DHRS12: variants seen among roughly 807,000 people sequenced by gnomAD.
DHRS12 encodes the protein dehydrogenase/reductase SDR family member 12.
In DHRS12, 29 loss-of-function variants were observed where a neutral mutation model predicts 32.1. The ratio of observed to expected loss-of-function variants is 0.90; its 90% confidence interval spans 0.67 to 1.23. The LOEUF is 1.23. DHRS12 is among the 50% of genes most tolerant of loss of function. The pLI, the probability that DHRS12 is intolerant of heterozygous loss-of-function variation, is 0.00. For missense variants in DHRS12, 330 were observed against 337.2 expected (o/e 0.98, Z 0.17); for synonymous variants, 150 against 135.9 (o/e 1.10, Z -0.72).
intron 4 of DHRS12, among the ~76,000 whole-genome samples, chr13:51,779,785 G>A (rs1954617379): frequency 6.6e-6 from 1 of 152,086 alleles, no homozygotes; most frequent in African/African-American, 2.4e-5. Flanking sequence ...CTTCCTGTGT[G>A]GGTTCTTGTT....
chr13:51,797,911 G>A (rs1333425903), intron 2 of DHRS12: 2 of 1,535,856 alleles, frequency 1.3e-6, no homozygotes, highest in East Asian at 2.4e-5. Flanking sequence ...TGTGCCACCT[G>A]GTGGAATTCA....
intron 2 of DHRS12, 112 bp downstream of exon 2, chr13:51,799,422 T>TCGCC: frequency 6.7e-7 from 1 of 1,485,508 alleles, no homozygotes; most frequent in Non-Finnish European, 9.1e-7. Context: ...AACCATGGGA[T>TCGCC]CGCCGTCCAG....
At chr13:51,768,339 G>A in intron 8 of DHRS12, 43 bp from the exon 9 acceptor site, 1 of 1,534,420 alleles carries the variant, frequency 6.5e-7, no homozygotes, top group Non-Finnish European at 8.7e-7. Context: ...AGCTGCTGCA[G>A]CGTGGCTGGG....
At chr13:51,774,241 A>AGTATTCTCCTACAT (rs770973117) in intron 5 of DHRS12, 1 of 494,264 alleles carries the variant, frequency 2.0e-6, no homozygotes. Flanking sequence ...ATTCTCCTAC[A>AGTATTCTCCTACAT]GTATTCTCCT....
chr13:51,785,939 G>A (rs1017815951), intron 4 of DHRS12, among the ~76,000 whole-genome samples: 1 of 152,220 alleles, frequency 6.6e-6, no homozygotes, highest in Non-Finnish European at 1.5e-5. Flanking sequence ...TTATGAGACT[G>A]AATGAGAGAA....
downstream of DHRS12, chr13:51,767,797 GT>G (rs1489418413): frequency 1.6e-4 from 11 of 69,098 alleles, no homozygotes; most frequent in South Asian, 4.6e-4. Flanking sequence ...GGGGGGGGGG[GT>G]GCACAGCGCC....
intron 4 of DHRS12, among the ~76,000 whole-genome samples, chr13:51,781,917 TA>T (rs1199965332): frequency 1.3e-5 from 2 of 152,136 alleles, no homozygotes; most frequent in Non-Finnish European, 2.9e-5. Context: ...GGAGGGCACC[TA>T]GGGCCCCATA....
intron 6 of DHRS12, among the ~76,000 whole-genome samples, chr13:51,773,240 A>C (rs1954123729): frequency 6.6e-6 from 1 of 152,230 alleles, no homozygotes; most frequent in South Asian, 2.1e-4. Flanking sequence ...TGGGGATAGA[A>C]CTCAAATCTA....
intron 4 of DHRS12, among the ~76,000 whole-genome samples, chr13:51,783,118 G>GA (rs1407420690): frequency 6.6e-6 from 1 of 152,272 alleles, no homozygotes; most frequent in African/African-American, 2.4e-5. Context: ...GCAGAAAACC[G>GA]AAAATCAATG....
intron 4 of DHRS12, among the ~76,000 whole-genome samples, chr13:51,777,596 T>G (rs1208494605): frequency 6.6e-6 from 1 of 152,242 alleles, no homozygotes; most frequent in Non-Finnish European, 1.5e-5. Context: ...TTATGGTTAT[T>G]TCTTCAATCA....
chr13:51,767,384 C>T (rs951031647), downstream of DHRS12: 1 of 152,270 alleles, frequency 6.6e-6, no homozygotes, highest in African/African-American at 2.4e-5. Context: ...CCAGAAAAAT[C>T]CCTTCCTTGT....
intron 4 of DHRS12, among the ~76,000 whole-genome samples, chr13:51,779,798 T>G (rs1419113763): frequency 6.6e-6 from 1 of 152,184 alleles, no homozygotes; most frequent in Non-Finnish European, 1.5e-5. Context: ...TTCTTGTTAC[T>G]TCTGACCACA....
downstream of DHRS12, chr13:51,767,544 C>G (rs1018813548): frequency 1.3e-5 from 2 of 152,628 alleles, no homozygotes; most frequent in African/African-American, 4.8e-5. Flanking sequence ...TCTAAATCTG[C>G]TCATTGGTTT....
intron 4 of DHRS12, among the ~76,000 whole-genome samples, chr13:51,783,466 T>C (rs1220860068): frequency 1.3e-5 from 2 of 152,230 alleles, no homozygotes. Flanking sequence ...CTTGTTGATA[T>C]AATATATATA....
chr13:51,758,651 T>C, the DHRS12 span, among the ~76,000 whole-genome samples: 1 of 151,892 alleles, frequency 6.6e-6, no homozygotes, highest in African/African-American at 2.4e-5. Context: ...GCACTGGCTC[T>C]ACACAAAGAA....
At chr13:51,770,382 A>G (rs577845643) in intron 7 of DHRS12, among the ~76,000 whole-genome samples, 50 of 152,266 alleles carry the variant, frequency 3.3e-4, no homozygotes, top group African/African-American at 1.1e-3. Flanking sequence ...GACCCAGATG[A>G]TAGAGCCCGC....
chr13:51,791,093 T>C, intron 3 of DHRS12, 72 bp downstream of exon 3: 3 of 1,051,000 alleles, frequency 2.9e-6, no homozygotes, highest in Non-Finnish European at 2.8e-6. Context: ...AACATACATA[T>C]CCGTCCACAT....
downstream of DHRS12, chr13:51,767,875 G>GC (rs200335455): frequency 1.7e-3 from 934 of 552,102 alleles, 7 homozygotes; most frequent in African/African-American, 0.018. Flanking sequence ...CATTCCTGCT[G>GC]CCCCCACCCC....
the DHRS12 span, among the ~76,000 whole-genome samples, chr13:51,756,995 G>A: frequency 1.3e-5 from 2 of 152,146 alleles, no homozygotes; most frequent in Admixed American, 6.5e-5. Context: ...GAGGTGTGGG[G>A]GCAAATCTAT....
Sources: allele counts gnomAD v4.1 joint callset (sites outside exome capture counted in the v4.1 genomes callset), GRCh38; gene constraint gnomAD v4.1.1; transcripts MANE v1.5; gene names NCBI Gene and HGNC (gene_info 2026-07-23, HGNC 2026-07-21).